The following PRMT9 variants were observed in gnomAD, a reference collection of about 807,000 sequenced individuals.
PRMT9 encodes protein arginine methyltransferase 9.
In PRMT9, 59 loss-of-function variants were observed where a neutral mutation model predicts 83.2. The observed-to-expected ratio is 0.71, with a 90% CI of 0.57 to 0.88. The LOEUF is 0.88. Among genes scored for constraint, PRMT9 ranks in the 40% least tolerant of loss-of-function variants. The pLI, the probability that PRMT9 is intolerant of heterozygous loss-of-function variation, is 0.00. For synonymous variants in PRMT9, 333 were observed against 353.2 expected, an observed-to-expected ratio of 0.94 and a Z score of 0.64; for missense variants, 947 against 1,021.9, an observed-to-expected ratio of 0.93 and a Z score of 1.00.
chr4:147,643,077 T>C (rs1440138326), intron 9 of PRMT9, 137 bp from the exon 10 acceptor site: 2 of 707,564 alleles, frequency 2.8e-6, no homozygotes, highest in South Asian at 1.5e-5. Flanking sequence ...CTGGGCAACA[T>C]GGCGAAACCT....
rs762688689 is a variant in PRMT9, at chr4:147,654,581, A to T, written c.1331-15T>A. 1 of 1,541,296 alleles carries T rather than the reference A, an allele frequency of 6.5e-7. No homozygotes were observed. Among genetic ancestry groups the T allele is most frequent in the Non-Finnish European group, 9.0e-7 (1 of 1,116,472 alleles). ...TATCCAGTAGTCTTCATTAAATAGT[A>T]AGGAAGAAAAAAAATATGGAGTACT... On this transcript the variant is annotated splice_polypyrimidine_tract_variant and intron_variant, in intron 8 of 11. Coordinates refer to ENST00000322396, the MANE Select transcript of PRMT9 (RefSeq NM_138364.4).
intron 9 of PRMT9, among the ~76,000 whole-genome samples, chr4:147,653,453 A>ATAT (rs57881191): frequency 3.8e-4 from 56 of 148,650 alleles, no homozygotes; most frequent in Non-Finnish European, 5.1e-4. Context: ...AAAAAAAAAA[A>ATAT]ATATATATAT....
At position 147,640,593 on chromosome 4, in the gene PRMT9, C is replaced by T. The variant is rs114234496; in HGVS notation, c.2200-1511G>A. The stretch of plus-strand genomic sequence containing the variant: ...AATTCTTACCCAATTGCTCAGTGAC[C>T]ACAGCTACACACAAAGCCTGATCCT... On this transcript the variant is annotated intron_variant, in intron 10 of 11. Coordinates refer to ENST00000322396, the MANE Select transcript of PRMT9 (RefSeq NM_138364.4). 6.1e-3 allele frequency among the ~76,000 whole-genome samples: 933 copies of T among 152,222 alleles called. 9 individuals are homozygous for T. Among genetic ancestry groups the T allele is most frequent in the African/African-American group, 0.021 (887 of 41,532 alleles).
At chr4:147,676,809 C>T (rs151253518) in intron 2 of PRMT9, among the ~76,000 whole-genome samples, 104 of 152,098 alleles carry the variant, frequency 6.8e-4, no homozygotes, top group African/African-American at 2.4e-3. Flanking sequence ...TTTGGGAGAC[C>T]GAGGCGGGTG....
At chr4:147,648,943 A>G (rs561641063) in intron 9 of PRMT9, among the ~76,000 whole-genome samples, 89 of 152,298 alleles carry the variant, frequency 5.8e-4, no homozygotes, top group African/African-American at 2.0e-3. Flanking sequence ...TATCTTTACT[A>G]ACATTAAGTG....
chr4:147,653,452 A>AT lies in PRMT9; in HGVS notation c.2045+399_2045+400insA, dbSNP rs1241239207. Among the ~76,000 whole-genome samples the AT allele has an allele frequency of 3.1e-3, 395 of 127,512 alleles. 2 individuals carry two copies. The highest frequency in any genetic ancestry group is 0.011 in the African/African-American group (261 of 24,794). 83.7% of individuals were successfully genotyped at this position (127,512 alleles called of 152,430 possible). A position where few individuals can be genotyped will look rare whatever the true frequency, so the allele number is the denominator to read the frequency against. Reference sequence around the variant, plus strand: ...AGCGAAACTCCGTCTTAAAAAAAAAAAATATATATATATATATCTTGGTTT... The same window carrying AT: ...AGCGAAACTCCGTCTTAAAAAAAAAATAATATATATATATATATCTTGGTTT... On this transcript the variant is annotated intron_variant, in intron 9 of 11. Transcript: ENST00000322396.
In PRMT9 at chr4:147,640,092, A is replaced by ATTTTTTTTTT. The variant is rs1560962912; in HGVS notation, c.2200-1011_2200-1010insAAAAAAAAAA. On this transcript the variant is annotated intron_variant, in intron 10 of 11. Coordinates refer to ENST00000322396, the MANE Select transcript of PRMT9 (RefSeq NM_138364.4). Reference sequence around the variant, plus strand: ...TTTTTTTTTTTTTTTTTTTTTTTTAATATAGGGTCTCACTCTGTTCCCCAG... The same window carrying ATTTTTTTTTT: ...TTTTTTTTTTTTTTTTTTTTTTTTAATTTTTTTTTTTATAGGGTCTCACTCTGTTCCCCAG... 7.4e-4 allele frequency among the ~76,000 whole-genome samples: 52 copies of ATTTTTTTTTT among 70,382 alleles called. 16 individuals are homozygous for ATTTTTTTTTT. The highest frequency in any genetic ancestry group is 9.5e-4 in the Non-Finnish European group (38 of 40,048). The allele number at this position is 70,382 out of a possible 152,430, so 46.2% of individuals were successfully genotyped here.
In PRMT9 at chr4:147,661,050, G is replaced by A. The variant is rs556391226; in HGVS notation, c.954-12C>T. ...CCTTAATACCCACTCTGGAGAGAGA[G>A]AAAATAGGGGAGGGGTAGGAAGATG... On this transcript the variant is annotated splice_polypyrimidine_tract_variant and intron_variant, in intron 6 of 11. Transcript: ENST00000322396. The A allele has an allele frequency of 1.0e-5, 16 of 1,563,186 alleles. 1 individual carries two copies. In the South Asian group the frequency reaches 1.8e-4, roughly 17 times the overall value.
At chr4:147,680,784 G>A (rs549194598) in intron 1 of PRMT9, among the ~76,000 whole-genome samples, 1 of 152,288 alleles carries the variant, frequency 6.6e-6, no homozygotes, top group South Asian at 2.1e-4. Flanking sequence ...TTTGGAGTTT[G>A]TCCTTGGCCC....
intron 6 of PRMT9, among the ~76,000 whole-genome samples, chr4:147,667,009 C>G (rs1040023614): frequency 6.6e-6 from 1 of 152,064 alleles, no homozygotes; most frequent in African/African-American, 2.4e-5. Flanking sequence ...AGATACCAGC[C>G]ATTTAATTTC....
rs1736667968 is a variant in PRMT9, at chr4:147,683,790, G to C, written c.189+9C>G. 3 of 1,559,568 alleles carry C rather than the reference G, an allele frequency of 1.9e-6. No individual in the cohort carries two copies. Among genetic ancestry groups the C allele is most frequent in the Non-Finnish European group, 2.6e-6 (3 of 1,147,796 alleles). ...GATCTGCCAGCAAGTGAGAAAAAAG[G>C]ACCCTCACCTTCACGTCGTGTTTCA... On this transcript the variant is annotated intron_variant, in intron 1 of 11. Transcript: ENST00000322396.
At chr4:147,660,375 A>G (rs1734870403) in intron 7 of PRMT9, among the ~76,000 whole-genome samples, 1 of 152,198 alleles carries the variant, frequency 6.6e-6, no homozygotes, top group Non-Finnish European at 1.5e-5. Flanking sequence ...CTATGCCTGT[A>G]ATCCTAACAC....
intron 9 of PRMT9, among the ~76,000 whole-genome samples, chr4:147,645,589 A>C (rs1256186924): frequency 1.3e-5 from 2 of 152,248 alleles, no homozygotes; most frequent in Admixed American, 1.3e-4. Flanking sequence ...GCCAGCAATC[A>C]ACTATCAAAT....
chr4:147,638,877 AAAGT>A (rs1733189170), intron 11 of PRMT9, 79 bp downstream of exon 11: 1 of 1,420,450 alleles, frequency 7.0e-7, no homozygotes, highest in Non-Finnish European at 9.8e-7. Context: ...AAAGTAGCTA[AAAGT>A]ATGTATAAAA....
chr4:147,674,583 TTTTTTA>T lies in PRMT9; in HGVS notation c.339-715_339-710del, dbSNP rs574243013. 7.9e-4 allele frequency among the ~76,000 whole-genome samples: 121 copies of T among 152,312 alleles called. 1 individual carries two copies. Among genetic ancestry groups the T allele is most frequent in the Admixed American group, 2.2e-3 (34 of 15,306 alleles). Reference sequence around the variant, plus strand: ...AACCTCTCCTCCCTTTTCTTCTTAATTTTTTATTTTTAAGACTAGTCAAGTGCAATA... The same window carrying T: ...AACCTCTCCTCCCTTTTCTTCTTAATTTTTTAAGACTAGTCAAGTGCAATA... On this transcript the variant is annotated intron_variant, in intron 2 of 11. Transcript: ENST00000322396.
At chr4:147,658,088 G>C in intron 7 of PRMT9, 113 bp from the exon 8 acceptor site, 1 of 748,650 alleles carries the variant, frequency 1.3e-6, no homozygotes, top group Non-Finnish European at 2.3e-6. Flanking sequence ...CTCCCTTAGG[G>C]ATTCAGTATC....
At chr4:147,650,506 T>C (rs928534185) in intron 9 of PRMT9, among the ~76,000 whole-genome samples, 1 of 152,030 alleles carries the variant, frequency 6.6e-6, no homozygotes, top group African/African-American at 2.4e-5. Flanking sequence ...CACTGAAAAC[T>C]ATAAAACATA....
At chr4:147,677,351 C>T (rs1736155474) in intron 2 of PRMT9, among the ~76,000 whole-genome samples, 1 of 151,112 alleles carries the variant, frequency 6.6e-6, no homozygotes, top group Admixed American at 6.6e-5. Context: ...TACAAAAACA[C>T]TTATGTATAC....
chr4:147,679,344 G>A (rs949613996), intron 2 of PRMT9, among the ~76,000 whole-genome samples: 2 of 152,042 alleles, frequency 1.3e-5, no homozygotes, highest in African/African-American at 2.4e-5. Context: ...AGGTGGGGGC[G>A]CTGCTGAGGT....
Sources: allele counts gnomAD v4.1 joint callset (sites outside exome capture counted in the v4.1 genomes callset), GRCh38; gene constraint gnomAD v4.1.1; transcripts MANE v1.5; gene names NCBI Gene and HGNC (gene_info 2026-07-23, HGNC 2026-07-21).